Variants in SNX29 observed in about 807,000 individuals in gnomAD.
SNX29 encodes sorting nexin-29.
SNX29 carries 78 observed loss-of-function variants against 102.1 expected under a neutral mutation model. The observed-to-expected ratio is 0.76, with a 90% CI of 0.64 to 0.92. The LOEUF (loss-of-function observed/expected upper bound fraction) is 0.92, where lower values mean the gene tolerates loss of function less well. Ranked by LOEUF, SNX29 falls within the 40% of genes least tolerant of loss-of-function variation. SNX29 has a pLI of 0.00. For synonymous variants in SNX29, 580 were observed against 414.5 expected, an observed-to-expected ratio of 1.40 and a Z score of -4.85; for missense variants, 1,280 against 1,061.7, an observed-to-expected ratio of 1.21 and a Z score of -2.86.
intron 15 of SNX29, among the ~76,000 whole-genome samples, chr16:12,312,818 A>G (rs1396024372): frequency 6.6e-6 from 1 of 152,060 alleles, no homozygotes; most frequent in African/African-American, 2.4e-5. Context: ...AGGATGTTTT[A>G]CTGAGTTCAC....
chr16:12,240,060 C>T (rs1487655852), intron 14 of SNX29, among the ~76,000 whole-genome samples: 1 of 152,194 alleles, frequency 6.6e-6, no homozygotes, highest in Non-Finnish European at 1.5e-5. Context: ...TATCATATCA[C>T]GAGCAGTTTT....
Position 12,568,850 on chromosome 16 carries a change from A to G in SNX29, c.*221A>G, listed in dbSNP as rs997403622. 2 of 655,062 alleles carry G rather than the reference A, an allele frequency of 3.1e-6. No individual in the cohort carries two copies. The highest frequency in any genetic ancestry group is 1.8e-5 in the African/African-American group (1 of 54,444). The allele number at this position is 655,062 out of a possible 1,614,324, so 40.6% of individuals were successfully genotyped here. On this transcript the variant is annotated 3_prime_UTR_variant, in exon 21 of 21. Coordinates refer to ENST00000566228, the MANE Select transcript of SNX29 (RefSeq NM_032167.5). ...ACCAAGGCAGCACCTCGCTGGAGAG[A>G]CTGGGACACACAGTCCTTCTGCTTC...
At chr16:12,246,384 T>C (rs1187810742) in intron 14 of SNX29, among the ~76,000 whole-genome samples, 1 of 152,078 alleles carries the variant, frequency 6.6e-6, no homozygotes, top group Non-Finnish European at 1.5e-5. Flanking sequence ...CTCACGCTTG[T>C]AATCCCAGCA....
chr16:12,366,168 G>A (rs950133163), intron 16 of SNX29, among the ~76,000 whole-genome samples: 1 of 151,892 alleles, frequency 6.6e-6, no homozygotes, highest in Non-Finnish European at 1.5e-5. Flanking sequence ...AAAACTGTTG[G>A]ATTAGAGATA....
chr16:12,046,551 T>C, intron 6 of SNX29, 97 bp downstream of exon 6: 1 of 1,156,046 alleles, frequency 8.7e-7, no homozygotes, highest in Non-Finnish European at 1.3e-6. Context: ...TTGTGATTCT[T>C]CTGTCCCTCA....
intron 13 of SNX29, among the ~76,000 whole-genome samples, chr16:12,139,186 G>A (rs914737649): frequency 1.0e-4 from 12 of 114,514 alleles, no homozygotes; most frequent in African/African-American, 1.8e-4. Flanking sequence ...GCGATAGAGC[G>A]AGACTCTAAA....
intron 14 of SNX29, among the ~76,000 whole-genome samples, chr16:12,230,622 T>G (rs2077739624): frequency 6.6e-6 from 1 of 152,230 alleles, no homozygotes; most frequent in Non-Finnish European, 1.5e-5. Context: ...TAGCATTTGT[T>G]TTTTAACGAA....
At chr16:12,313,045 C>G (rs2080613188) in intron 15 of SNX29, among the ~76,000 whole-genome samples, 1 of 150,220 alleles carries the variant, frequency 6.7e-6, no homozygotes, top group Non-Finnish European at 1.5e-5. Flanking sequence ...GACGGAGTAT[C>G]ACTCTGTCAC....
intron 15 of SNX29, among the ~76,000 whole-genome samples, chr16:12,342,644 T>G (rs1418425832): frequency 1.3e-5 from 2 of 152,220 alleles, no homozygotes; most frequent in Non-Finnish European, 2.9e-5. Flanking sequence ...GCTCATTTAG[T>G]CCTCATAACA....
chr16:12,564,655 T>G (rs2078916162), intron 20 of SNX29, among the ~76,000 whole-genome samples: 1 of 152,198 alleles, frequency 6.6e-6, no homozygotes, highest in Non-Finnish European at 1.5e-5. Context: ...GGAGCAGGAA[T>G]GGAACATATC....
At chr16:12,541,938 C>T (rs750734166) in intron 20 of SNX29, among the ~76,000 whole-genome samples, 1 of 152,168 alleles carries the variant, frequency 6.6e-6, no homozygotes, top group Non-Finnish European at 1.5e-5. Flanking sequence ...ACATCCTGGG[C>T]CCACACAAGA....
intron 14 of SNX29, among the ~76,000 whole-genome samples, chr16:12,217,095 C>G (rs1385522054): frequency 6.6e-6 from 1 of 152,234 alleles, no homozygotes; most frequent in African/African-American, 2.4e-5. Context: ...GTGGTGTGAT[C>G]ATGGCTTACC....
intron 15 of SNX29, among the ~76,000 whole-genome samples, chr16:12,289,132 T>C (rs1033379703): frequency 7.2e-5 from 11 of 152,248 alleles, no homozygotes; most frequent in African/African-American, 2.7e-4. Context: ...GTTTCTGATG[T>C]GAGCACTTAC....
chr16:12,074,074 A>G (rs2051428836), intron 10 of SNX29, among the ~76,000 whole-genome samples: 2 of 151,552 alleles, frequency 1.3e-5, no homozygotes, highest in South Asian at 4.2e-4. Flanking sequence ...TCTGCACGTG[A>G]GATGGGTTTC....
chr16:12,126,763 A>C, intron 12 of SNX29, 67 bp downstream of exon 12: 12 of 1,565,498 alleles, frequency 7.7e-6, no homozygotes, highest in Non-Finnish European at 1.0e-5. Flanking sequence ...GGAAGACAGA[A>C]TATAACAGAT....
At chr16:12,187,803 T>C (rs1439591512) in intron 13 of SNX29, among the ~76,000 whole-genome samples, 1 of 152,108 alleles carries the variant, frequency 6.6e-6, no homozygotes, top group Non-Finnish European at 1.5e-5. Flanking sequence ...ATTAGGGTAT[T>C]CCACACTGGC....
At chr16:12,103,817 C>G (rs931372768) in intron 11 of SNX29, among the ~76,000 whole-genome samples, 2 of 152,162 alleles carry the variant, frequency 1.3e-5, no homozygotes, top group African/African-American at 4.8e-5. Flanking sequence ...AATATCCAGA[C>G]TCTACAAGGA....
intron 19 of SNX29, chr16:12,515,437 A>G: frequency 2.2e-6 from 1 of 464,066 alleles, no homozygotes. Flanking sequence ...CCCATCCGCA[A>G]GTCACCCCTG....
At chr16:12,144,126 A>G (rs1028220199) in intron 13 of SNX29, among the ~76,000 whole-genome samples, 2 of 152,178 alleles carry the variant, frequency 1.3e-5, no homozygotes, top group Non-Finnish European at 2.9e-5. Context: ...TTCCTAGACC[A>G]CACATTTTAA....
Sources: gnomAD v4.1 joint callset for allele counts (sites outside exome capture counted in the v4.1 genomes callset) on GRCh38, gnomAD v4.1.1 for gene constraint, MANE v1.5 for transcripts, NCBI Gene and HGNC (gene_info 2026-07-23, HGNC 2026-07-21) for gene names.